WDPCP: variants seen among roughly 807,000 people sequenced by gnomAD.
The protein encoded by WDPCP is WD repeat containing planar cell polarity effector.
WDPCP carries 71 observed loss-of-function variants against 93.1 expected under a neutral mutation model. That is an observed-to-expected ratio of 0.76 (90% CI 0.63 to 0.93). The LOEUF (loss-of-function observed/expected upper bound fraction) is 0.93. Ranked by LOEUF, WDPCP falls within the 40% of genes least tolerant of loss-of-function variation. The pLI, the probability that WDPCP is intolerant of heterozygous loss-of-function variation, is 0.00. For missense variants in WDPCP, 844 were observed against 887.4 expected (o/e 0.95, Z 0.62); for synonymous variants, 315 against 315.0 (o/e 1.00, Z 0.00).
intron 2 of WDPCP, among the ~76,000 whole-genome samples, chr2:63,674,269 T>C (rs1345715841): frequency 6.6e-6 from 1 of 152,208 alleles, no homozygotes; most frequent in African/African-American, 2.4e-5. Context: ...CCAAGATTAC[T>C]ATATAGACCT....
At chr2:63,291,591 T>C (rs1485028551) in intron 13 of WDPCP, among the ~76,000 whole-genome samples, 1 of 152,084 alleles carries the variant, frequency 6.6e-6, no homozygotes, top group African/African-American at 2.4e-5. Flanking sequence ...GGCAGATCTC[T>C]TAAGGCCAGG....
chr2:63,322,996 T>G (rs928591262), intron 12 of WDPCP, among the ~76,000 whole-genome samples: 4 of 152,232 alleles, frequency 2.6e-5, no homozygotes, highest in African/African-American at 4.8e-5. Context: ...AATCCCTGAC[T>G]CTTCAGAGTT....
intron 2 of WDPCP, among the ~76,000 whole-genome samples, chr2:63,798,112 A>C (rs1558913226): frequency 6.6e-6 from 1 of 152,198 alleles, no homozygotes; most frequent in Non-Finnish European, 1.5e-5. Context: ...GAATAACTAA[A>C]GACTTTCCCA....
intron 1 of WDPCP, among the ~76,000 whole-genome samples, chr2:63,511,275 T>C (rs1202710476): frequency 1.3e-5 from 2 of 152,194 alleles, no homozygotes; most frequent in African/African-American, 2.4e-5. Flanking sequence ...AAACATTCCA[T>C]GCTCATGGAT....
chr2:63,751,198 T>G (rs1669876682), intron 2 of WDPCP, among the ~76,000 whole-genome samples: 1 of 152,200 alleles, frequency 6.6e-6, no homozygotes, highest in Admixed American at 6.5e-5. Context: ...ATTGCATTTT[T>G]CAAAGAACTT....
chr2:63,146,700 T>C (rs887394978), intron 17 of WDPCP, among the ~76,000 whole-genome samples: 3 of 152,168 alleles, frequency 2.0e-5, no homozygotes, highest in Admixed American at 2.0e-4. Context: ...GTTAATGATA[T>C]GTATGCTAAA....
chr2:63,705,040 T>A (rs1321941522), intron 2 of WDPCP, among the ~76,000 whole-genome samples: 1 of 152,246 alleles, frequency 6.6e-6, no homozygotes, highest in East Asian at 1.9e-4. Context: ...GGTGTATGTG[T>A]TGAGGAATTT....
rs577794515 is a variant in WDPCP, at chr2:63,379,525, T to C, written c.1625-1016A>G. On this transcript the variant is annotated intron_variant, in intron 11 of 17. Coordinates refer to ENST00000272321, the MANE Select transcript of WDPCP (RefSeq NM_015910.7). The stretch of plus-strand genomic sequence containing the variant: ...AAGCAGCAGTCAATTTAGATTACAA[T>C]TGAATACAGCAATGCTATTGTGAAA... Among the ~76,000 whole-genome samples the C allele has an allele frequency of 3.5e-4, 54 of 152,284 alleles. No homozygotes were observed. In the South Asian group the frequency reaches 8.9e-3, roughly 25 times the overall value.
At chr2:63,293,948 G>T (rs1318657742) in intron 13 of WDPCP, among the ~76,000 whole-genome samples, 1 of 152,092 alleles carries the variant, frequency 6.6e-6, no homozygotes, top group African/African-American at 2.4e-5. Flanking sequence ...AATCTTAAAA[G>T]AAATAATGGC....
intron 9 of WDPCP, among the ~76,000 whole-genome samples, chr2:63,431,667 T>TCA (rs374464274): frequency 8.1e-4 from 122 of 150,566 alleles, no homozygotes; most frequent in Middle Eastern, 3.4e-3. Context: ...GATTATGTCT[T>TCA]CACACACACA....
At chr2:63,179,148 T>C (rs960042591) in intron 14 of WDPCP, among the ~76,000 whole-genome samples, 1 of 146,170 alleles carries the variant, frequency 6.8e-6, no homozygotes, top group Non-Finnish European at 1.5e-5. Context: ...TGCAGTGAGC[T>C]GAGACTGCAC....
intron 3 of WDPCP, chr2:63,622,975 A>G: frequency 1.5e-6 from 1 of 676,444 alleles, no homozygotes; most frequent in Non-Finnish European, 2.5e-6. Context: ...GCGCCCAAGC[A>G]GCTGCTGCCG....
At chr2:63,704,570 C>T (rs1669117883) in intron 2 of WDPCP, among the ~76,000 whole-genome samples, 1 of 152,112 alleles carries the variant, frequency 6.6e-6, no homozygotes, top group African/African-American at 2.4e-5. Flanking sequence ...TGGTTTTTGT[C>T]TTTGGTTCTG....
chr2:63,130,155 C>T (rs1293411224), intron 17 of WDPCP, among the ~76,000 whole-genome samples: 1 of 152,020 alleles, frequency 6.6e-6, no homozygotes, highest in Non-Finnish European at 1.5e-5. Context: ...TTTTTATTGC[C>T]TGTACTTTTG....
In WDPCP at chr2:63,627,968, G is replaced by A. The variant is rs1306592648; in HGVS notation, n.488+22691C>T. 2.6e-5 allele frequency among the ~76,000 whole-genome samples: 4 copies of A among 152,292 alleles called. No homozygotes were observed. In the South Asian group the frequency reaches 8.3e-4, roughly 32 times the overall value. On this transcript the variant is annotated intron_variant and non_coding_transcript_variant, in intron 3 of 4. Transcript: ENST00000467687. ...TTTAACACTTGAGCCGTCCTCGGAC[G>A]GCAAAACTAAAAGAGCGCACTGTAA... is the stretch of plus-strand genomic sequence containing the variant.
At chr2:63,178,503 T>C (rs549781808) in intron 14 of WDPCP, among the ~76,000 whole-genome samples, 26 of 152,320 alleles carry the variant, frequency 1.7e-4, no homozygotes, top group Non-Finnish European at 1.5e-5. Flanking sequence ...TGACTGTTTG[T>C]AATATTCTCT....
intron 3 of WDPCP, among the ~76,000 whole-genome samples, chr2:63,609,442 A>C (rs1235748067): frequency 6.6e-6 from 1 of 152,234 alleles, no homozygotes; most frequent in Non-Finnish European, 1.5e-5. Context: ...CAGAAGAGAA[A>C]GAAAACATGC....
At chr2:63,370,492 A>T (rs919359244) in intron 12 of WDPCP, among the ~76,000 whole-genome samples, 2 of 152,144 alleles carry the variant, frequency 1.3e-5, no homozygotes, top group African/African-American at 4.8e-5. Context: ...ACTTCTTAGA[A>T]TTTTTTAAAG....
At chr2:63,773,546 T>G (rs1483994136) in intron 2 of WDPCP, among the ~76,000 whole-genome samples, 4 of 152,062 alleles carry the variant, frequency 2.6e-5, no homozygotes, top group Non-Finnish European at 4.4e-5. Context: ...GTATAAAAAT[T>G]TATTAAGCTG....
Sources: allele counts gnomAD v4.1 joint callset (sites outside exome capture counted in the v4.1 genomes callset), GRCh38; gene constraint gnomAD v4.1.1; transcripts MANE v1.5; gene names NCBI Gene and HGNC (gene_info 2026-07-23, HGNC 2026-07-21).